Variants in TRMT44 observed in about 807,000 individuals in gnomAD.
TRMT44 encodes tRNA methyltransferase 44 homolog, also known as probable tRNA (uracil-O(2)-)-methyltransferase.
A neutral mutation model predicts 77.3 loss-of-function variants in TRMT44; 78 were observed. That is an observed-to-expected ratio of 1.01 (90% CI 0.84 to 1.22). The LOEUF is 1.22. Among genes scored for constraint, TRMT44 ranks in the 50% most tolerant of loss-of-function variants. The probability of loss-of-function intolerance (pLI) is 0.00; values close to 1 mark genes in which losing one functional copy is unlikely to be tolerated. For missense variants in TRMT44, 1,090 were observed against 964.4 expected, an observed-to-expected ratio of 1.13 and a Z score of -1.73; for synonymous variants, 391 against 383.3, an observed-to-expected ratio of 1.02 and a Z score of -0.23.
At chr4:8,486,409 T>C (rs1727805608) in intron 2 of TRMT44, among the ~76,000 whole-genome samples, 2 of 152,232 alleles carry the variant, frequency 1.3e-5, no homozygotes, top group African/African-American at 4.8e-5. Context: ...ATTGTACACC[T>C]TGAAGGCGAG....
chr4:8,511,343 T>G, the TRMT44 span, among the ~76,000 whole-genome samples: 1 of 152,330 alleles, frequency 6.6e-6, no homozygotes, highest in South Asian at 2.1e-4. Context: ...CGTGGTGGTC[T>G]GCACTTGCAG....
chr4:8,490,527 C>T (rs1279010430), intron 2 of TRMT44, among the ~76,000 whole-genome samples: 1 of 152,000 alleles, frequency 6.6e-6, no homozygotes, highest in Non-Finnish European at 1.5e-5. Flanking sequence ...AGGAGTGAAG[C>T]CGCAGACCTT....
At chr4:8,470,573 C>T (rs1726912026) in intron 9 of TRMT44, among the ~76,000 whole-genome samples, 1 of 152,196 alleles carries the variant, frequency 6.6e-6, no homozygotes, top group Non-Finnish European at 1.5e-5. Context: ...GGGAAAGAGA[C>T]CATCACTGTG....
rs1365973889 is a variant in TRMT44, at chr4:8,452,573, A to G, written c.1024-309A>G. Among the ~76,000 whole-genome samples the G allele has an allele frequency of 2.0e-5, 3 of 152,134 alleles. No individual in the cohort carries two copies. The highest frequency in any genetic ancestry group is 6.5e-5 in the Admixed American group (1 of 15,278). On this transcript the variant is annotated intron_variant, in intron 4 of 10. Transcript: ENST00000389737. The surrounding 1 kb of genome is among the most constrained non-coding windows in gnomAD (Gnocchi z 5.7). Reference sequence around the variant, plus strand: ...AACATGGTGAAACCCTGTCTCTACTAAAAATACAAAATTAGCCAGGCGTGG... The same window carrying G: ...AACATGGTGAAACCCTGTCTCTACTGAAAATACAAAATTAGCCAGGCGTGG...
chr4:8,455,256 T>C (rs1406825166), intron 6 of TRMT44, among the ~76,000 whole-genome samples: 1 of 152,226 alleles, frequency 6.6e-6, no homozygotes, highest in Non-Finnish European at 1.5e-5. Flanking sequence ...GGGCGGTGGC[T>C]GTGCCAGGGC....
the TRMT44 span, among the ~76,000 whole-genome samples, chr4:8,500,462 C>T: frequency 6.7e-6 from 1 of 148,670 alleles, no homozygotes; most frequent in Admixed American, 6.7e-5. Flanking sequence ...TGCCACTGCA[C>T]TCCAGCCTGG....
intron 6 of TRMT44, among the ~76,000 whole-genome samples, chr4:8,462,015 G>A (rs780195517): frequency 4.6e-5 from 7 of 152,212 alleles, no homozygotes; most frequent in Admixed American, 1.3e-4. Context: ...CAAAACACCT[G>A]TTTATAACAA....
the TRMT44 span, among the ~76,000 whole-genome samples, chr4:8,516,178 C>A: frequency 6.6e-6 from 1 of 152,198 alleles, no homozygotes; most frequent in Non-Finnish European, 1.5e-5. Context: ...ACGCTCCAAC[C>A]CACCACCTTG....
At position 8,475,896 on chromosome 4, in the gene TRMT44, G is replaced by C. The variant is rs772621814; in HGVS notation, c.2169G>C (p.Met723Ile). The C allele has an allele frequency of 2.3e-5, 37 of 1,614,078 alleles. No homozygotes were observed. Among genetic ancestry groups the C allele is most frequent in the Non-Finnish European group, 3.1e-5 (37 of 1,180,056 alleles). ...AAACCCGCCTCTGCTGGTTCTTCAT[G>C]CATCACCCTGATGGCTGCGCTCTGT... Reference protein sequence around the residue: ...ACKTRLCWFFMHHPDGCALST... With the variant: ...ACKTRLCWFFIHHPDGCALST... The change falls in exon 11 of 11, where the codon ATG becomes ATC. Residue 723 changes from methionine to isoleucine, a missense_variant. Coordinates refer to ENST00000389737, the MANE Select transcript of TRMT44 (RefSeq NM_152544.3).
rs979864563 is a variant in TRMT44, at chr4:8,444,361, G to C, written c.620-2115G>C. ...TATGAATAACACCTAGTATATGATA[G>C]TCTAACAGGGGGATTATAATGAATA... On this transcript the variant is annotated intron_variant, in intron 1 of 10. Coordinates refer to ENST00000389737, the MANE Select transcript of TRMT44 (RefSeq NM_152544.3). This position sits in a 1 kb window ranked among gnomAD's most constrained non-coding sequence, Gnocchi z 4.0. 6.6e-6 allele frequency among the ~76,000 whole-genome samples: 1 copy of C among 151,766 alleles called. No individual in the cohort carries two copies. The highest frequency in any genetic ancestry group is 1.5e-5 in the Non-Finnish European group (1 of 67,910).
chr4:8,452,125 GC>G lies in TRMT44; in HGVS notation c.1023+99del. ...AAGGACATTTTCCAAATCCATAACT[GC>G]CGGTGCTCACAATTCTGCTGGCCAA... is the stretch of plus-strand genomic sequence containing the variant. On this transcript the variant is annotated intron_variant, in intron 4 of 10. Coordinates refer to ENST00000389737, the MANE Select transcript of TRMT44 (RefSeq NM_152544.3). This position sits in a 1 kb window ranked among gnomAD's most constrained non-coding sequence, Gnocchi z 5.7. The G allele has an allele frequency of 8.9e-7, 1 of 1,119,626 alleles. No homozygotes were observed. The highest frequency in any genetic ancestry group is 2.0e-5 in the Admixed American group (1 of 49,476). 69.4% of individuals were successfully genotyped at this position (1,119,626 alleles called of 1,614,324 possible).
At chr4:8,466,100 G>A (rs956487565) in intron 8 of TRMT44, among the ~76,000 whole-genome samples, 3 of 152,172 alleles carry the variant, frequency 2.0e-5, no homozygotes, top group Non-Finnish European at 2.9e-5. Context: ...CCCTCTTGCC[G>A]CTCCAAAGGC....
downstream of TRMT44, chr4:8,478,101 G>A (rs1727478766): frequency 6.5e-6 from 1 of 153,094 alleles, no homozygotes; most frequent in African/African-American, 2.4e-5. Context: ...CCCTGCTTTA[G>A]TTTTCCAGTG....
At position 8,465,565 on chromosome 4, in the gene TRMT44, T is replaced by C. The variant is rs757826358; in HGVS notation, c.1494+4T>C. 3.7e-6 allele frequency: 6 copies of C among 1,609,242 alleles called. No individual in the cohort carries two copies. In the South Asian group the frequency reaches 4.4e-5, roughly 12 times the overall value. On this transcript the variant is annotated splice_donor_region_variant and intron_variant, in intron 8 of 10. Coordinates refer to ENST00000389737, the MANE Select transcript of TRMT44 (RefSeq NM_152544.3). ...CAGGATTCCTTCAACCAAAAGAGTATGTCTGATTCTCATGTTGTTCTAGGC... is the reference window on the plus strand; with the variant it reads ...CAGGATTCCTTCAACCAAAAGAGTACGTCTGATTCTCATGTTGTTCTAGGC...
intron 6 of TRMT44, among the ~76,000 whole-genome samples, chr4:8,460,456 C>G (rs1213946793): frequency 6.6e-6 from 1 of 152,192 alleles, no homozygotes; most frequent in Non-Finnish European, 1.5e-5. Context: ...AAGCAGCTCC[C>G]ACTGTTATTT....
the TRMT44 span, chr4:8,510,586 A>G: frequency 6.5e-6 from 1 of 152,674 alleles, no homozygotes; most frequent in East Asian, 1.9e-4. Context: ...CCCCGATGGC[A>G]ACTGCAGTGG....
chr4:8,482,895 G>C (rs1406092831), intron 2 of TRMT44, among the ~76,000 whole-genome samples: 1 of 136,294 alleles, frequency 7.3e-6, no homozygotes, highest in Non-Finnish European at 1.6e-5. Context: ...AAGTGTGGGG[G>C]CGGCAAAAAT....
At chr4:8,465,287 G>C in intron 7 of TRMT44, 91 bp from the exon 8 acceptor site, 1 of 1,286,148 alleles carries the variant, frequency 7.8e-7, no homozygotes, top group Non-Finnish European at 1.1e-6. Flanking sequence ...ATTTTGCCCT[G>C]ATATGCGATT....
chr4:8,493,515 ACGGC>A (rs1213749939), exon 3 of TRMT44: 1 of 152,142 alleles, frequency 6.6e-6, no homozygotes, highest in Admixed American at 6.5e-5. Context: ...GGTCTTCCAC[ACGGC>A]CGACTCTGCA....
Sources: allele counts gnomAD v4.1 joint callset (sites outside exome capture counted in the v4.1 genomes callset), GRCh38; gene constraint gnomAD v4.1.1; non-coding constraint Gnocchi (gnomAD v3.1); transcripts MANE v1.5; gene names NCBI Gene and HGNC (gene_info 2026-07-23, HGNC 2026-07-21).